The following MRTFA variants were observed in gnomAD, a reference collection of about 807,000 sequenced individuals.
The protein encoded by MRTFA is myocardin-related transcription factor A.
In MRTFA, 20 loss-of-function variants were observed where a neutral mutation model predicts 83.5. The ratio of observed to expected loss-of-function variants is 0.24; its 90% CI spans 0.17 to 0.35. The LOEUF (loss-of-function observed/expected upper bound fraction) is 0.35, where lower values mean the gene tolerates loss of function less well. Among genes scored for constraint, MRTFA ranks in the 10% least tolerant of loss-of-function variants. MRTFA has a pLI of 1.00. For missense variants in MRTFA, 1,200 were observed against 1,224.7 expected, an observed-to-expected ratio of 0.98 and a Z score of 0.30; for synonymous variants, 659 against 541.2, an observed-to-expected ratio of 1.22 and a Z score of -3.02.
At chr22:40,634,156 T>C (rs1212606708) in intron 1 of MRTFA, among the ~76,000 whole-genome samples, 1 of 151,802 alleles carries the variant, frequency 6.6e-6, no homozygotes, top group South Asian at 2.1e-4. Context: ...AGTGTGAACA[T>C]AGCTTACTGC....
intron 12 of MRTFA, 75 bp downstream of exon 12, chr22:40,418,299 G>T: frequency 6.5e-7 from 1 of 1,548,318 alleles, no homozygotes; most frequent in Non-Finnish European, 8.7e-7. Flanking sequence ...GGGTCCCCTG[G>T]CCCAAGAGGG....
intron 4 of MRTFA, among the ~76,000 whole-genome samples, chr22:40,448,452 C>T (rs1231988178): frequency 6.6e-6 from 1 of 152,116 alleles, no homozygotes; most frequent in Admixed American, 6.5e-5. Flanking sequence ...CCAGCCTAGG[C>T]AACAGAACTA....
chr22:40,573,453 C>T (rs1244970656), intron 2 of MRTFA, among the ~76,000 whole-genome samples: 1 of 152,122 alleles, frequency 6.6e-6, no homozygotes, highest in Non-Finnish European at 1.5e-5. Context: ...CAGGGTTTTA[C>T]CATGTTGGCC....
chr22:40,532,060 T>C (rs1428462336), intron 3 of MRTFA, among the ~76,000 whole-genome samples: 1 of 152,198 alleles, frequency 6.6e-6, no homozygotes, highest in Non-Finnish European at 1.5e-5. Flanking sequence ...TATCATCCTT[T>C]GAAAGTTTTA....
intron 3 of MRTFA, among the ~76,000 whole-genome samples, chr22:40,478,447 G>C (rs886107236): frequency 6.6e-6 from 1 of 152,162 alleles, no homozygotes; most frequent in Non-Finnish European, 1.5e-5. Context: ...TTTCTTCTAA[G>C]TCTAAAATCA....
rs754023572 is a variant in MRTFA, at chr22:40,421,014, G to A, written c.1014C>T (p.Tyr338=). The change falls in exon 10 of 15, where the codon TAC becomes TAT. Residue 338 remains tyrosine (Y), a synonymous_variant. Coordinates refer to ENST00000355630, the MANE Select transcript of MRTFA (RefSeq NM_020831.6). ...TCTGGTCCGGGGGGATGTACTGGTG[G>A]TACTTGAGCTTCTTCACCTTTGGCT... 9 of 1,595,232 alleles carry A rather than the reference G, an allele frequency of 5.6e-6. No homozygotes were observed. Among genetic ancestry groups the A allele is most frequent in the Admixed American group, 3.4e-5 (2 of 58,256 alleles).
At chr22:40,616,698 G>A (rs980440062) in intron 1 of MRTFA, among the ~76,000 whole-genome samples, 1 of 152,164 alleles carries the variant, frequency 6.6e-6, no homozygotes, top group Non-Finnish European at 1.5e-5. Context: ...GTTGGAGCCA[G>A]AGCAACTTTA....
chr22:40,464,550 G>A (rs543421209), intron 3 of MRTFA, among the ~76,000 whole-genome samples: 1 of 151,986 alleles, frequency 6.6e-6, no homozygotes, highest in East Asian at 1.9e-4. Flanking sequence ...TTCAGAGGAG[G>A]AGGGTTAGGA....
At chr22:40,413,067 G>A (rs1440703935) in intron 14 of MRTFA, among the ~76,000 whole-genome samples, 5 of 149,836 alleles carry the variant, frequency 3.3e-5, no homozygotes, top group African/African-American at 1.2e-4. Flanking sequence ...AACCCGGGAG[G>A]CGGAGGTTGC....
intron 2 of MRTFA, among the ~76,000 whole-genome samples, chr22:40,562,595 G>A (rs1170496791): frequency 1.8e-5 from 2 of 108,122 alleles, no homozygotes; most frequent in Non-Finnish European, 3.8e-5. Flanking sequence ...AAGGGAAAGG[G>A]AAGGAGGGGA....
intron 7 of MRTFA, among the ~76,000 whole-genome samples, chr22:40,427,107 A>G (rs542629797): frequency 6.6e-6 from 1 of 152,334 alleles, no homozygotes; most frequent in East Asian, 1.9e-4. Flanking sequence ...TCAGGACTTC[A>G]CATGGCCTGG....
At chr22:40,631,239 A>G (rs146970702) in intron 1 of MRTFA, among the ~76,000 whole-genome samples, 1 of 152,160 alleles carries the variant, frequency 6.6e-6, no homozygotes, top group Admixed American at 6.5e-5. Context: ...CTGCATACTC[A>G]TATCAGTCTA....
At chr22:40,589,496 A>C (rs1480830642) in intron 2 of MRTFA, among the ~76,000 whole-genome samples, 1 of 152,236 alleles carries the variant, frequency 6.6e-6, no homozygotes, top group African/African-American at 2.4e-5. Flanking sequence ...CAGACCCCTC[A>C]GTAAGAGCTG....
intron 1 of MRTFA, among the ~76,000 whole-genome samples, chr22:40,613,011 T>C (rs117294683): frequency 0.023 from 3,574 of 152,332 alleles, 63 homozygotes; most frequent in Non-Finnish European, 0.039. Flanking sequence ...TATTCCACCC[T>C]TACTGCATCT....
chr22:40,630,421 A>G (rs2056629868), intron 1 of MRTFA, among the ~76,000 whole-genome samples: 1 of 152,204 alleles, frequency 6.6e-6, no homozygotes, highest in Admixed American at 6.5e-5. Flanking sequence ...AAACAAACAA[A>G]AAAACACCTG....
intron 3 of MRTFA, among the ~76,000 whole-genome samples, chr22:40,537,811 G>GT: frequency 3.6e-5 from 1 of 28,138 alleles, no homozygotes; most frequent in Non-Finnish European, 6.9e-5. Context: ...CGTCCGGGAG[G>GT]GAGGTGGGGG....
At chr22:40,552,622 A>G (rs2055458892) in intron 2 of MRTFA, among the ~76,000 whole-genome samples, 1 of 152,186 alleles carries the variant, frequency 6.6e-6, no homozygotes, top group Non-Finnish European at 1.5e-5. Flanking sequence ...CACCATGTGA[A>G]GAAGGACATG....
chr22:40,425,127 G>C (rs370448225), intron 7 of MRTFA, among the ~76,000 whole-genome samples: 16 of 152,362 alleles, frequency 1.1e-4, no homozygotes, highest in South Asian at 4.1e-4. Context: ...CCAAGCTCTG[G>C]ATGACTGTGA....
chr22:40,607,594 G>A (rs531068548), intron 1 of MRTFA, among the ~76,000 whole-genome samples: 4 of 151,694 alleles, frequency 2.6e-5, no homozygotes, highest in East Asian at 1.9e-4. Flanking sequence ...TTTCCTCCAC[G>A]AATCAGCACC....
Sources: allele counts gnomAD v4.1 joint callset (sites outside exome capture counted in the v4.1 genomes callset), GRCh38; gene constraint gnomAD v4.1.1; transcripts MANE v1.5; gene names NCBI Gene and HGNC (gene_info 2026-07-23, HGNC 2026-07-21).